Variants in LAMA1 observed in about 807,000 individuals in gnomAD.
LAMA1 encodes the protein laminin subunit alpha 1, also known as laminin subunit alpha-1.
Under a neutral mutation model 348.7 loss-of-function variants are expected in LAMA1, and 219 were observed. The ratio of observed to expected loss-of-function variants is 0.63; its 90% CI spans 0.56 to 0.70. LAMA1 has a LOEUF of 0.70. LAMA1 is among the 30% of genes least tolerant of loss of function. The probability of loss-of-function intolerance (pLI) is 0.00; values close to 1 mark genes in which losing one functional copy is unlikely to be tolerated. For missense variants in LAMA1, 3,744 were observed against 3,888.0 expected (o/e 0.96, Z 0.99); for synonymous variants, 1,487 against 1,491.0 (o/e 1.00, Z 0.06).
intron 56 of LAMA1, chr18:6,955,953 C>G (rs2057574901): frequency 3.2e-6 from 1 of 315,784 alleles, no homozygotes; most frequent in African/African-American, 2.2e-5. Flanking sequence ...CAAGAGGAGC[C>G]AGGCGGGAAG....
Position 6,983,168 on chromosome 18 carries a change from G to A in LAMA1, c.5727C>T (p.Ile1909=). ...CCTCCGATTCTTCAATCAGGCTCTG[G>A]ATGTTGTAATGGACATAGGCTGCAC... ...ATSAAYVHYN[I]QSLIEESEEL... The change falls in exon 40 of 63, where the codon ATC becomes ATT. Residue 1909 remains isoleucine, a synonymous_variant. Transcript: ENST00000389658. 1.2e-6 allele frequency: 2 copies of A among 1,614,072 alleles called. No individual in the cohort carries two copies. The highest frequency in any genetic ancestry group is 1.7e-6 in the Non-Finnish European group (2 of 1,180,006).
Position 7,034,591 on chromosome 18 carries a change from C to A in LAMA1, c.1939G>T (p.Asp647Tyr). 1 of 1,614,166 alleles carries A rather than the reference C, an allele frequency of 6.2e-7. No homozygotes were observed. ...TCAATCTGCCTTTTGCTGTGAAAAT[C>A]TTGGAAGTTTTCAGGCACAAGTCTA... ...VVRLVPENFQ[D>Y]FHSKRQIDRD... Residue 647 changes from aspartate to tyrosine, a missense_variant, in exon 14 of 63, where the codon GAT (aspartate) becomes TAT (tyrosine). Around this residue, in one of 3 missense-constraint regions of LAMA1, gnomAD observed 1,529 missense variants for 1,689.4 expected, o/e 0.91. Transcript: ENST00000389658.
chr18:7,065,643 C>G (rs1175783283), intron 3 of LAMA1, among the ~76,000 whole-genome samples: 1 of 152,150 alleles, frequency 6.6e-6, no homozygotes, highest in Non-Finnish European at 1.5e-5. Flanking sequence ...ACAAGAATGG[C>G]TGGAACGGAG....
chr18:7,096,725 T>C (rs1480140990), intron 1 of LAMA1, among the ~76,000 whole-genome samples: 1 of 152,200 alleles, frequency 6.6e-6, no homozygotes, highest in Non-Finnish European at 1.5e-5. Context: ...AACTTTTGTC[T>C]ATGGCATAAT....
At chr18:7,112,774 T>G (rs2058341047) in intron 1 of LAMA1, among the ~76,000 whole-genome samples, 1 of 151,812 alleles carries the variant, frequency 6.6e-6, no homozygotes. Flanking sequence ...GTAGCTGGGA[T>G]TACAGGCCCC....
chr18:7,032,853 CAA>C, intron 15 of LAMA1, 129 bp downstream of exon 15: 1 of 732,462 alleles, frequency 1.4e-6, no homozygotes, highest in Non-Finnish European at 2.4e-6. Context: ...TTCTATTGCC[CAA>C]AAAAGACTGA....
intron 32 of LAMA1, 143 bp from the exon 33 acceptor site, chr18:6,998,027 C>T (rs1268981841): frequency 1.3e-6 from 1 of 754,188 alleles, no homozygotes; most frequent in Non-Finnish European, 2.3e-6. Context: ...CACATCTGAT[C>T]TCATTCTCAC....
At chr18:7,055,893 A>G (rs1481367843) in intron 3 of LAMA1, among the ~76,000 whole-genome samples, 1 of 151,600 alleles carries the variant, frequency 6.6e-6, no homozygotes, top group Non-Finnish European at 1.5e-5. Flanking sequence ...CATCCTGGCT[A>G]ACACAGTGAA....
intron 1 of LAMA1, among the ~76,000 whole-genome samples, chr18:7,108,253 TTGAACC>T (rs2058322067): frequency 6.6e-6 from 1 of 151,446 alleles, no homozygotes; most frequent in South Asian, 2.1e-4. Flanking sequence ...GGAGAATCAC[TTGAACC>T]TGGGAGGCAG....
chr18:7,098,301 T>C (rs1198847794), intron 1 of LAMA1, among the ~76,000 whole-genome samples: 3 of 145,898 alleles, frequency 2.1e-5, no homozygotes, highest in Admixed American at 6.8e-5. Context: ...TGTCTCTGCC[T>C]GGCCGCCCAT....
chr18:7,002,556 C>T (rs1461712103), intron 29 of LAMA1, among the ~76,000 whole-genome samples, 171 bp from the exon 30 acceptor site: 4 of 152,288 alleles, frequency 2.6e-5, no homozygotes, highest in Middle Eastern at 3.4e-3. Context: ...AAACATTTCC[C>T]GCTCTGTGGC....
intron 5 of LAMA1, among the ~76,000 whole-genome samples, chr18:7,047,534 T>C (rs7240379): frequency 0.026 from 3,968 of 152,250 alleles, 199 homozygotes; most frequent in African/African-American, 0.091. Flanking sequence ...AAAGAATCAA[T>C]GGAATCCCAA....
intron 48 of LAMA1, among the ~76,000 whole-genome samples, chr18:6,969,148 T>A (rs987376704): frequency 4.6e-5 from 7 of 152,256 alleles, no homozygotes; most frequent in Admixed American, 3.9e-4. Flanking sequence ...ATGCACTTTT[T>A]TTTTTTTGAG....
intron 19 of LAMA1, among the ~76,000 whole-genome samples, chr18:7,021,177 A>AC (rs755750606): frequency 2.0e-5 from 3 of 151,902 alleles, no homozygotes; most frequent in African/African-American, 4.8e-5. Context: ...GATGAACAGC[A>AC]CCCCCTTCAG....
At position 7,049,177 on chromosome 18, in the gene LAMA1, A is replaced by G. The variant is rs939753785; in HGVS notation, c.669T>C (p.Tyr223=). The G allele has an allele frequency of 6.2e-6, 10 of 1,614,100 alleles. No homozygotes were observed. The highest frequency in any genetic ancestry group is 7.6e-6 in the Non-Finnish European group (9 of 1,180,028). The change falls in exon 5 of 63, where the codon TAT becomes TAC. Residue 223 remains tyrosine (Y), a synonymous_variant. Transcript: ENST00000389658. ...TAATGCGTTGCAAGCGAAGGCGAAT[A>G]TATCGTGCAGAAGTGAATTCCAACA... ...PKLLEFTSAR[Y]IRLRLQRIRT... is the part of the protein sequence containing the mutation.
chr18:6,985,157 C>T, intron 39 of LAMA1, 80 bp downstream of exon 39: 3 of 1,515,266 alleles, frequency 2.0e-6, no homozygotes, highest in Middle Eastern at 1.7e-4. Context: ...AGTGACCCAT[C>T]ACTGTGAATA....
At chr18:7,055,315 T>C (rs1190881590) in intron 3 of LAMA1, among the ~76,000 whole-genome samples, 1 of 151,674 alleles carries the variant, frequency 6.6e-6, no homozygotes, top group Non-Finnish European at 1.5e-5. Flanking sequence ...TAGCTGGGTG[T>C]AGTGGCACAT....
intron 20 of LAMA1, 55 bp downstream of exon 20, chr18:7,017,223 G>T: frequency 7.2e-7 from 1 of 1,385,600 alleles, no homozygotes; most frequent in Non-Finnish European, 1.0e-6. Context: ...CTGAGTCATG[G>T]ATTCAATCGC....
intron 3 of LAMA1, among the ~76,000 whole-genome samples, chr18:7,078,442 A>C (rs2058179993): frequency 6.6e-6 from 1 of 151,926 alleles, no homozygotes; most frequent in African/African-American, 2.4e-5. Context: ...CCGGGATTAC[A>C]GGCGTGAGCC....
Sources: gnomAD v4.1 joint callset for allele counts (sites outside exome capture counted in the v4.1 genomes callset) on GRCh38, gnomAD v4.1.1 for gene constraint, gnomAD v4.1.1 regional missense constraint, MANE v1.5 for transcripts, NCBI Gene and HGNC (gene_info 2026-07-23, HGNC 2026-07-21) for gene names.